Variants in ATXN2L observed in about 807,000 individuals in gnomAD.
ATXN2L encodes ataxin 2 like, also known as ataxin-2-like protein.
In ATXN2L, 24 loss-of-function variants were observed where a neutral mutation model predicts 120.7. That is an observed-to-expected ratio of 0.20 (90% CI 0.14 to 0.28). ATXN2L has a LOEUF of 0.28. Ranked by LOEUF, ATXN2L falls within the 10% of genes least tolerant of loss-of-function variation. The pLI is 1.00. For synonymous variants in ATXN2L, 653 were observed against 568.1 expected (o/e 1.15, Z -2.13); for missense variants, 1,312 against 1,432.3 (o/e 0.92, Z 1.36).
rs2055160646 is a variant in ATXN2L, at chr16:28,833,170, C to A, written c.1771C>A (p.Pro591Thr). The stretch of plus-strand genomic sequence containing the variant: ...GGTTGATGGTCTGTTGACTTCAGAG[C>A]CCATGGGGTCTCCCGTCTCCTCCAA... The part of the protein sequence containing the change: ...KEVDGLLTSE[P>T]MGSPVSSKTE... Residue 591 changes from proline to threonine, a missense_variant, in exon 14 of 22, where the codon CCC (proline) becomes ACC (threonine). By Grantham distance (38) the Pro-to-Thr change is conservative (BLOSUM62 -1). Coordinates refer to ENST00000336783, the MANE Select transcript of ATXN2L (RefSeq NM_007245.4). The A allele has an allele frequency of 6.2e-7, 1 of 1,614,042 alleles. No individual in the cohort carries two copies.
intron 6 of ATXN2L, among the ~76,000 whole-genome samples, chr16:28,827,710 C>T (rs975539302): frequency 2.6e-5 from 4 of 152,132 alleles, no homozygotes; most frequent in African/African-American, 9.7e-5. Flanking sequence ...CACTGGACTC[C>T]AGTCTGAGCG....
rs1184957153 is a variant in ATXN2L, at chr16:28,836,459, C to T, written c.*194C>T. The T allele has an allele frequency of 6.2e-7, 1 of 1,612,336 alleles. No homozygotes were observed. The highest frequency in any genetic ancestry group is 1.1e-5 in the South Asian group (1 of 90,956). On this transcript the variant is annotated 3_prime_UTR_variant, in exon 22 of 22. Transcript: ENST00000336783. ...CCACTGCCTCCCCAGCTCTCAGTGA[C>T]CCCGACTGTCTCCTGACTTAGCCGA...
At chr16:28,827,092 T>C (rs2052363799) in intron 6 of ATXN2L, 106 bp downstream of exon 6, 6 of 1,162,238 alleles carry the variant, frequency 5.2e-6, no homozygotes, top group African/African-American at 1.6e-5. Flanking sequence ...TGCCCATTGA[T>C]GGTAGTCAGA....
At chr16:28,831,425 T>A (rs1400318882) in intron 10 of ATXN2L, among the ~76,000 whole-genome samples, 2 of 152,146 alleles carry the variant, frequency 1.3e-5, no homozygotes, top group Non-Finnish European at 2.9e-5. Context: ...CCCCTCAGAT[T>A]CAAGCCATTC....
Position 28,835,046 on chromosome 16 carries a change from C to A in ATXN2L, c.2434-12C>A. The stretch of plus-strand genomic sequence containing the variant: ...GCGGCTGTGCCAACCACTCCTCTCT[C>A]TGTCCCGCCAGCCGGTGTTTGCCCC... On this transcript the variant is annotated splice_polypyrimidine_tract_variant and intron_variant, in intron 18 of 21. Transcript: ENST00000336783. The A allele has an allele frequency of 6.2e-7, 1 of 1,605,086 alleles. No individual in the cohort carries two copies. The highest frequency in any genetic ancestry group is 1.1e-5 in the South Asian group (1 of 89,550).
rs944081857 is a variant in ATXN2L, at chr16:28,835,067, G to C, written c.2443G>C (p.Ala815Pro). 1 of 1,611,982 alleles carries C rather than the reference G, an allele frequency of 6.2e-7. No homozygotes were observed. Among genetic ancestry groups the C allele is most frequent in the African/African-American group, 1.3e-5 (1 of 74,970 alleles). The change falls in exon 19 of 22, where the codon GCC becomes CCC. Residue 815 changes from alanine to proline, a missense_variant. By Grantham distance (27) the Ala-to-Pro change is conservative. Transcript: ENST00000336783. ...CTCTCTGTCCCGCCAGCCGGTGTTT[G>C]CCCCCATGCTTCAGAGCAACCCACG... ...MAHYPSQPVFAPMLQSNPRML... is the reference protein window; with the variant it reads ...MAHYPSQPVFPPMLQSNPRML...
Position 28,826,358 on chromosome 16 carries a change from T to G in ATXN2L, c.584T>G (p.Phe195Cys). Reference protein sequence around the residue: ...FKPSDVMLVHFRNVDFNYATK... With the variant: ...FKPSDVMLVHCRNVDFNYATK... The stretch of plus-strand genomic sequence containing the variant: ...CCAAGTGATGTCATGCTTGTTCACT[T>G]CCGAAATGTTGACTTCAACTATGCT... Residue 195 changes from phenylalanine to cysteine, a missense_variant, in exon 5 of 22, where the codon TTC (phenylalanine) becomes TGC (cysteine). By Grantham distance (205) the Phe-to-Cys change is radical. Transcript: ENST00000336783. 6.2e-7 allele frequency: 1 copy of G among 1,614,218 alleles called. No homozygotes were observed. Among genetic ancestry groups the G allele is most frequent in the Non-Finnish European group, 8.5e-7 (1 of 1,180,032 alleles).
At position 28,835,149 on chromosome 16, in the gene ATXN2L, A is replaced by G; in HGVS notation, c.2525A>G (p.Tyr842Cys). 1 of 1,613,556 alleles carries G rather than the reference A, an allele frequency of 6.2e-7. No individual in the cohort carries two copies. Among genetic ancestry groups the G allele is most frequent in the African/African-American group, 1.3e-5 (1 of 74,936 alleles). Residue 842 changes from tyrosine to cysteine, a missense_variant, in exon 19 of 22, where the codon TAC becomes TGC. Coordinates refer to ENST00000336783, the MANE Select transcript of ATXN2L (RefSeq NM_007245.4). ...ATCGTGTCATCCTCTACCCCTCAGT[A>G]CCCTTCTGCAGAGCAGCCTACCCCC... Reference protein sequence around the residue: ...QAIVSSSTPQYPSAEQPTPQA... With the variant: ...QAIVSSSTPQCPSAEQPTPQA...
At chr16:28,826,721 C>T (rs1030402427) in intron 5 of ATXN2L, 141 bp from the exon 6 acceptor site, 3 of 1,013,256 alleles carry the variant, frequency 3.0e-6, no homozygotes, top group Non-Finnish European at 2.7e-6. Context: ...CACCCCCTGG[C>T]CATCCTAACA....
At chr16:28,834,044 T>C (rs1555505404) in intron 15 of ATXN2L, 21 bp from the exon 16 acceptor site, 17 of 1,608,096 alleles carry the variant, frequency 1.1e-5, no homozygotes, top group East Asian at 2.2e-5. Context: ...AAAATAAAAT[T>C]GTCCTCCCTT....
chr16:28,826,485 T>C, intron 5 of ATXN2L, 95 bp downstream of exon 5: 1 of 1,405,326 alleles, frequency 7.1e-7, no homozygotes, highest in South Asian at 1.4e-5. Flanking sequence ...GTGTTTGGTT[T>C]GTTTTTTTGT....
At chr16:28,830,218 A>C (rs745972521) in intron 8 of ATXN2L, among the ~76,000 whole-genome samples, 160 bp downstream of exon 8, 9 of 152,246 alleles carry the variant, frequency 5.9e-5, no homozygotes, top group South Asian at 2.1e-4. Flanking sequence ...TAATTTGCCT[A>C]AAGTAACAAA....
intron 10 of ATXN2L, 25 bp from the exon 11 acceptor site, chr16:28,832,180 C>T (rs777878869): frequency 7.4e-6 from 12 of 1,613,522 alleles, no homozygotes; most frequent in Admixed American, 1.7e-5. Flanking sequence ...CAGTAACCAT[C>T]CTACAGCTCC....
intron 2 of ATXN2L, 105 bp from the exon 3 acceptor site, chr16:28,825,519 C>G: frequency 6.6e-7 from 1 of 1,525,302 alleles, no homozygotes; most frequent in South Asian, 1.1e-5. Context: ...GCTGTGGGCC[C>G]GGCACACACA....
At chr16:28,831,871 C>T (rs1395618507) in intron 10 of ATXN2L, among the ~76,000 whole-genome samples, 1 of 152,112 alleles carries the variant, frequency 6.6e-6, no homozygotes, top group Non-Finnish European at 1.5e-5. Context: ...GGGAACAGAG[C>T]GATACCCTGT....
Position 28,829,465 on chromosome 16 carries a change from C to T in ATXN2L, c.806C>T (p.Thr269Ile). 6.2e-7 allele frequency: 1 copy of T among 1,610,980 alleles called. No individual in the cohort carries two copies. Among genetic ancestry groups the T allele is most frequent in the Non-Finnish European group, 8.5e-7 (1 of 1,177,112 alleles). Reference sequence around the variant, plus strand: ...GAGGAGAACTACGGTGTGAAGACTACCTATGATAGCAGTCTTTCTTCTTAT... The same window carrying T: ...GAGGAGAACTACGGTGTGAAGACTATCTATGATAGCAGTCTTTCTTCTTAT... ...FNEENYGVKT[T>I]YDSSLSSYTV... is the part of the protein sequence containing the mutation. Residue 269 changes from threonine (T) to isoleucine (I), a missense_variant, in exon 7 of 22, where the codon ACC becomes ATC. By Grantham distance (89) the Thr-to-Ile change is moderately conservative (BLOSUM62 -1). Transcript: ENST00000336783.
At chr16:28,825,338 T>A in intron 1 of ATXN2L, 28 bp from the exon 2 acceptor site, 1 of 1,612,442 alleles carries the variant, frequency 6.2e-7, no homozygotes, top group Non-Finnish European at 8.5e-7. Context: ...TTGAACAGAC[T>A]TAAGTAATTT....
At chr16:28,826,132 T>G (rs1047392406) in intron 4 of ATXN2L, 108 bp from the exon 5 acceptor site, 14 of 1,386,736 alleles carry the variant, frequency 1.0e-5, no homozygotes, top group Middle Eastern at 2.5e-4. Context: ...GTGAAAAGTT[T>G]GGGAAGGGTA....
rs1049236398 is a variant in ATXN2L, at chr16:28,832,360, T to A, written c.1477T>A (p.Ser493Thr). 2 of 1,614,148 alleles carry A rather than the reference T, an allele frequency of 1.2e-6. No individual in the cohort carries two copies. Among genetic ancestry groups the A allele is most frequent in the Non-Finnish European group, 1.7e-6 (2 of 1,180,038 alleles). ...CTCAGATCCTGGAGTGGGCTCCATT[T>A]CTCCAGCTTCTCCAAAGATCTCCCT... ...SVSDPGVGSI[S>T]PASPKISLAP... The change falls in exon 11 of 22, where the codon TCT becomes ACT. Residue 493 changes from serine (S) to threonine (T), a missense_variant. Transcript: ENST00000336783.
Sources: allele counts gnomAD v4.1 joint callset (sites outside exome capture counted in the v4.1 genomes callset), GRCh38; gene constraint gnomAD v4.1.1; transcripts MANE v1.5; gene names NCBI Gene and HGNC (gene_info 2026-07-23, HGNC 2026-07-21).